The following ERP44 variants were observed in gnomAD, a reference collection of about 807,000 sequenced individuals.
ERP44 encodes the protein endoplasmic reticulum resident protein 44.
A neutral mutation model predicts 53.4 loss-of-function variants in ERP44; 25 were observed. The observed-to-expected ratio is 0.47, with a 90% CI of 0.34 to 0.65. The LOEUF is 0.65. Among genes scored for constraint, ERP44 ranks in the 30% least tolerant of loss-of-function variants. The pLI is 0.01. For synonymous variants in ERP44, 145 were observed against 161.2 expected, an observed-to-expected ratio of 0.90 and a Z score of 0.76; for missense variants, 338 against 493.2, an observed-to-expected ratio of 0.69 and a Z score of 2.98.
At chr9:100,053,633 ATCT>A (rs1826059602) in intron 3 of ERP44, among the ~76,000 whole-genome samples, 1 of 152,222 alleles carries the variant, frequency 6.6e-6, no homozygotes, top group Non-Finnish European at 1.5e-5. Context: ...AATAGCAGGT[ATCT>A]AAACACAGAA....
chr9:100,000,435 C>CAAA (rs34304276), intron 10 of ERP44, among the ~76,000 whole-genome samples: 10 of 123,964 alleles, frequency 8.1e-5, no homozygotes, highest in African/African-American at 1.2e-4. Flanking sequence ...GATCCTGTAT[C>CAAA]AAAAAAAAAA....
chr9:100,051,544 C>T (rs972187586), intron 4 of ERP44, among the ~76,000 whole-genome samples: 1 of 151,920 alleles, frequency 6.6e-6, no homozygotes, highest in African/African-American at 2.4e-5. Flanking sequence ...ATGCTTGAGA[C>T]ACAGAGATTA....
chr9:100,073,422 T>A (rs1826325624), intron 1 of ERP44, among the ~76,000 whole-genome samples: 1 of 152,190 alleles, frequency 6.6e-6, no homozygotes. Context: ...TCAAGAGACC[T>A]AGGTTTTGGT....
chr9:100,037,274 T>C lies in ERP44; in HGVS notation c.287-15048A>G, dbSNP rs528264497. ...ACAGAACTCAGCTGACGCCCACACA[T>C]GGAGGGAGTATTTAAACTAGCCCAA... On this transcript the variant is annotated intron_variant, in intron 4 of 11. Transcript: ENST00000262455. Among the ~76,000 whole-genome samples the C allele has an allele frequency of 2.6e-5, 4 of 152,270 alleles. No homozygotes were observed. In the South Asian group the frequency reaches 8.3e-4, roughly 32 times the overall value.
intron 10 of ERP44, among the ~76,000 whole-genome samples, chr9:99,993,664 G>C (rs1282510253): frequency 1.3e-5 from 2 of 152,156 alleles, no homozygotes; most frequent in Non-Finnish European, 2.9e-5. Flanking sequence ...TGACAAATGG[G>C]ATCTAATTAA....
intron 1 of ERP44, among the ~76,000 whole-genome samples, chr9:100,087,446 G>A (rs769612864): frequency 3.3e-5 from 5 of 152,106 alleles, no homozygotes; most frequent in Admixed American, 1.3e-4. Flanking sequence ...CAAAAAAAGG[G>A]TATCTATTTA....
chr9:100,086,074 T>G (rs1027972095), intron 1 of ERP44, among the ~76,000 whole-genome samples: 19 of 152,190 alleles, frequency 1.2e-4, no homozygotes, highest in African/African-American at 4.6e-4. Flanking sequence ...ATTACAACAG[T>G]CAGAGATAAT....
At chr9:100,075,511 C>T (rs758681160) in intron 1 of ERP44, among the ~76,000 whole-genome samples, 1 of 152,164 alleles carries the variant, frequency 6.6e-6, no homozygotes, top group Non-Finnish European at 1.5e-5. Context: ...CACACTGGTC[C>T]ATCACATTGA....
intron 2 of ERP44, among the ~76,000 whole-genome samples, chr9:100,058,522 C>G (rs1216071614): frequency 6.6e-6 from 1 of 152,184 alleles, no homozygotes; most frequent in African/African-American, 2.4e-5. Flanking sequence ...AGAATTAGTT[C>G]TGCAAATAAA....
At chr9:100,003,615 G>T (rs972856469) in intron 10 of ERP44, among the ~76,000 whole-genome samples, 1 of 151,646 alleles carries the variant, frequency 6.6e-6, no homozygotes, top group Non-Finnish European at 1.5e-5. Context: ...CTGAAACTTG[G>T]GTCCACAGGA....
chr9:100,066,252 T>C (rs150757274), intron 1 of ERP44, among the ~76,000 whole-genome samples: 3 of 152,366 alleles, frequency 2.0e-5, no homozygotes, highest in East Asian at 1.9e-4. Flanking sequence ...GACAATGCAT[T>C]GACATGCAAA....
intron 1 of ERP44, among the ~76,000 whole-genome samples, chr9:100,093,174 A>G (rs970816228): frequency 6.6e-6 from 1 of 152,164 alleles, no homozygotes; most frequent in Non-Finnish European, 1.5e-5. Flanking sequence ...ATTAAAAATC[A>G]CAGTATACAG....
At chr9:100,083,640 G>T (rs1192924222) in intron 1 of ERP44, among the ~76,000 whole-genome samples, 1 of 152,166 alleles carries the variant, frequency 6.6e-6, no homozygotes, top group Non-Finnish European at 1.5e-5. Flanking sequence ...ATAGCTGTCA[G>T]AAGATGAGAC....
intron 9 of ERP44, 142 bp from the exon 10 acceptor site, chr9:100,006,789 C>A (rs1830429088): frequency 3.6e-6 from 2 of 558,188 alleles, no homozygotes; most frequent in South Asian, 5.4e-5. Flanking sequence ...AAAACTAAAA[C>A]CTAAATATCT....
At chr9:100,091,209 C>A (rs900737346) in intron 1 of ERP44, among the ~76,000 whole-genome samples, 1 of 152,160 alleles carries the variant, frequency 6.6e-6, no homozygotes, top group Non-Finnish European at 1.5e-5. Flanking sequence ...ATGATGAAAT[C>A]TCAGGTTTGT....
chr9:100,061,500 T>G (rs1025520083), intron 1 of ERP44, among the ~76,000 whole-genome samples: 23 of 146,106 alleles, frequency 1.6e-4, no homozygotes, highest in African/African-American at 5.8e-4. Context: ...AAATATATAT[T>G]TATAGAAATG....
At chr9:100,004,728 C>G (rs1830410613) in intron 10 of ERP44, among the ~76,000 whole-genome samples, 1 of 152,206 alleles carries the variant, frequency 6.6e-6, no homozygotes, top group Non-Finnish European at 1.5e-5. Flanking sequence ...CTTTACTACT[C>G]TCAGGTACTA....
At chr9:99,984,413 TAAAA>T (rs200813688) in intron 11 of ERP44, among the ~76,000 whole-genome samples, 1 of 150,680 alleles carries the variant, frequency 6.6e-6, no homozygotes, top group South Asian at 2.1e-4. Flanking sequence ...AATTCTCAGG[TAAAA>T]AAAAACATAA....
At chr9:100,076,623 T>C (rs1208214480) in intron 1 of ERP44, among the ~76,000 whole-genome samples, 1 of 152,244 alleles carries the variant, frequency 6.6e-6, no homozygotes, top group Non-Finnish European at 1.5e-5. Flanking sequence ...TGTGATTATA[T>C]ACTGATTCAT....
Sources: allele counts gnomAD v4.1 joint callset (sites outside exome capture counted in the v4.1 genomes callset), GRCh38; gene constraint gnomAD v4.1.1; transcripts MANE v1.5; gene names NCBI Gene and HGNC (gene_info 2026-07-23, HGNC 2026-07-21).